PPHLN1: variants seen among roughly 807,000 people sequenced by gnomAD.
The protein encoded by PPHLN1 is periphilin-1.
PPHLN1 carries 29 observed loss-of-function variants against 51.3 expected under a neutral mutation model. That is an observed-to-expected ratio of 0.57 (90% CI 0.42 to 0.77). The LOEUF (loss-of-function observed/expected upper bound fraction) is 0.77, where lower values mean the gene tolerates loss of function less well. PPHLN1 is among the 30% of genes least tolerant of loss of function. PPHLN1 has a pLI of 0.00. For synonymous variants in PPHLN1, 147 were observed against 147.8 expected, an observed-to-expected ratio of 0.99 and a Z score of 0.04; for missense variants, 436 against 438.4, an observed-to-expected ratio of 0.99 and a Z score of 0.05.
intron 2 of PPHLN1, among the ~76,000 whole-genome samples, chr12:42,346,284 GCT>G (rs1022257773): frequency 3.3e-5 from 5 of 151,534 alleles, no homozygotes; most frequent in Admixed American, 6.6e-5. Flanking sequence ...GTGTATTTGA[GCT>G]CTTTTTTGTT....
rs575785369 is a variant in PPHLN1 at position 42,377,391 on chromosome 12, C to T, written c.511+2317C>T. Reference sequence around the variant, plus strand: ...GTGTGATCTCAACTCACTGCAACCTCCACCTCCCAGGTCAAGCAATTTTCC... The same window carrying T: ...GTGTGATCTCAACTCACTGCAACCTTCACCTCCCAGGTCAAGCAATTTTCC... On this transcript the variant is annotated intron_variant, in intron 5 of 9. Coordinates refer to ENST00000358314, the MANE Select transcript of PPHLN1 (RefSeq NM_201439.2). 1.6e-3 allele frequency among the ~76,000 whole-genome samples: 243 copies of T among 151,170 alleles called. 1 individual carries two copies. The highest frequency in any genetic ancestry group is 6.4e-3 in the East Asian group (33 of 5,144).
At chr12:42,387,345 G>A (rs891604069) in intron 6 of PPHLN1, 111 bp from the exon 7 acceptor site, 1 of 1,163,116 alleles carries the variant, frequency 8.6e-7, no homozygotes, top group Non-Finnish European at 1.2e-6. Context: ...GTAATGAAAA[G>A]TTTTAGTACT....
chr12:42,414,292 C>T (rs1025984190), intron 9 of PPHLN1, among the ~76,000 whole-genome samples: 3 of 152,128 alleles, frequency 2.0e-5, no homozygotes, highest in East Asian at 3.9e-4. Context: ...GCCTCGGCCT[C>T]CCAAAGTGCT....
intron 4 of PPHLN1, chr12:42,361,831 A>G (rs1169685896): frequency 2.6e-5 from 4 of 152,238 alleles, no homozygotes; most frequent in Admixed American, 2.6e-4. Context: ...ATAATGCTAC[A>G]GTGAACATTG....
chr12:42,367,005 C>T (rs1016215183), intron 4 of PPHLN1, among the ~76,000 whole-genome samples: 11 of 152,180 alleles, frequency 7.2e-5, no homozygotes, highest in African/African-American at 2.4e-4. Context: ...TCTGTAAATA[C>T]CTGGCTTTTT....
rs1368355443 is a variant in PPHLN1, at chr12:42,351,938, C to G, written c.126C>G (p.Asp42Glu). The G allele has an allele frequency of 1.3e-6, 2 of 1,590,328 alleles. No individual in the cohort carries two copies. The highest frequency in any genetic ancestry group is 1.7e-6 in the Non-Finnish European group (2 of 1,171,868). Residue 42 changes from aspartate (D) to glutamate (E), a missense_variant, in exon 3 of 10, where the codon GAC (aspartate) becomes GAG (glutamate). Asp to Glu is a conservative substitution (Grantham distance 45). Coordinates refer to ENST00000358314, the MANE Select transcript of PPHLN1 (RefSeq NM_201439.2). ...NIVPKKPPLLDRPGEGSYNRY... is the reference protein window; with the variant it reads ...NIVPKKPPLLERPGEGSYNRY... ...TGCCAAAGAAACCACCACTGCTAGA[C>G]AGACCTGGTGAAGGAAGCTACAATA...
rs115917003 is a variant in PPHLN1, at chr12:42,411,356, G to T, written c.909+12362G>T. 5.9e-3 allele frequency among the ~76,000 whole-genome samples: 827 copies of T among 140,944 alleles called. 6 individuals carry two copies. Among genetic ancestry groups the T allele is most frequent in the African/African-American group, 0.02 (791 of 40,400 alleles). 92.5% of individuals were successfully genotyped at this position (140,944 alleles called of 152,430 possible). On this transcript the variant is annotated intron_variant, in intron 9 of 9. Transcript: ENST00000358314. ...ACTGCCGCAGTTACTACTTGAGATG[G>T]TCACTACAGCAGTTACTACTGTTAC...
intron 9 of PPHLN1, among the ~76,000 whole-genome samples, chr12:42,411,859 G>GTGCCCT (rs1473090633): frequency 1.6e-5 from 2 of 124,490 alleles, no homozygotes; most frequent in East Asian, 4.9e-4. Context: ...TGTGGAGATC[G>GTGCCCT]TGCCCTTGTA....
At chr12:42,342,089 T>C (rs1294506158) in intron 2 of PPHLN1, among the ~76,000 whole-genome samples, 1 of 151,968 alleles carries the variant, frequency 6.6e-6, no homozygotes, top group Non-Finnish European at 1.5e-5. Context: ...AGGAAGGAAA[T>C]CAGTCACCAC....
At chr12:42,380,398 T>G (rs1161526492) in intron 5 of PPHLN1, among the ~76,000 whole-genome samples, 1 of 152,088 alleles carries the variant, frequency 6.6e-6, no homozygotes, top group Non-Finnish European at 1.5e-5. Context: ...ATAGAAGATA[T>G]TTTTTAAAAA....
intron 5 of PPHLN1, among the ~76,000 whole-genome samples, chr12:42,378,128 C>G (rs868528198): frequency 2.0e-5 from 3 of 150,198 alleles, no homozygotes; most frequent in Middle Eastern, 6.8e-3. Flanking sequence ...TTCTTTCTTT[C>G]TTTCTTTCTT....
chr12:42,403,299 C>T (rs954854131), intron 9 of PPHLN1, among the ~76,000 whole-genome samples: 2 of 152,128 alleles, frequency 1.3e-5, no homozygotes, highest in Non-Finnish European at 2.9e-5. Flanking sequence ...TCAGATTTTA[C>T]ATACATACAG....
intron 4 of PPHLN1, among the ~76,000 whole-genome samples, chr12:42,366,756 G>A (rs974920497): frequency 2.6e-5 from 4 of 152,086 alleles, no homozygotes; most frequent in African/African-American, 9.7e-5. Context: ...TAAAGATTAA[G>A]TGTCTCCTTA....
At chr12:42,350,355 A>T (rs902593162) in intron 2 of PPHLN1, 2 of 151,228 alleles carry the variant, frequency 1.3e-5, no homozygotes, top group African/African-American at 5.3e-5. Context: ...GGCGCTCCTC[A>T]CTTCCCAGAC....
chr12:42,330,317 C>T (rs1246353253), intron 1 of PPHLN1, among the ~76,000 whole-genome samples: 1 of 152,176 alleles, frequency 6.6e-6, no homozygotes, highest in African/African-American at 2.4e-5. Flanking sequence ...CGCAAGAGGC[C>T]TTCCTCTTTT....
chr12:42,434,342 A>AGTAGGTAT (rs1334775115), intron 9 of PPHLN1, among the ~76,000 whole-genome samples: 1 of 152,212 alleles, frequency 6.6e-6, no homozygotes, highest in African/African-American at 2.4e-5. Context: ...GCTGGGCTTA[A>AGTAGGTAT]TACCTAAGTG....
At chr12:42,341,718 T>C (rs923209777) in intron 2 of PPHLN1, among the ~76,000 whole-genome samples, 3 of 152,028 alleles carry the variant, frequency 2.0e-5, no homozygotes, top group Admixed American at 2.0e-4. Context: ...GCCTCCCGGG[T>C]TCACGCCATT....
intron 6 of PPHLN1, among the ~76,000 whole-genome samples, chr12:42,385,393 A>G (rs73272025): frequency 0.01 from 1,580 of 152,300 alleles, 31 homozygotes; most frequent in African/African-American, 0.035. Context: ...ATATGTGGGT[A>G]TATGATAAAC....
intron 9 of PPHLN1, among the ~76,000 whole-genome samples, chr12:42,413,526 A>ATGTATG (rs1555214718): frequency 7.3e-6 from 1 of 136,518 alleles, no homozygotes; most frequent in South Asian, 2.4e-4. Flanking sequence ...ATATATGTAT[A>ATGTATG]TGTGTGTGTG....
Sources: allele counts gnomAD v4.1 joint callset (sites outside exome capture counted in the v4.1 genomes callset), GRCh38; gene constraint gnomAD v4.1.1; transcripts MANE v1.5; gene names NCBI Gene and HGNC (gene_info 2026-07-23, HGNC 2026-07-21).